The following KCNK2 variants were observed in gnomAD, a reference collection of about 807,000 sequenced individuals.
KCNK2 encodes potassium two pore domain channel subfamily K member 2, also known as potassium channel subfamily K member 2.
In KCNK2, 21 loss-of-function variants were observed where a neutral mutation model predicts 40.5. That is an observed-to-expected ratio of 0.52 (90% CI 0.37 to 0.75). The LOEUF is 0.75. Ranked by LOEUF, KCNK2 falls within the 30% of genes least tolerant of loss-of-function variation. The pLI is 0.00. For missense variants in KCNK2, 399 were observed against 531.6 expected (o/e 0.75, Z 2.45); for synonymous variants, 191 against 202.2 (o/e 0.94, Z 0.47).
At chr1:215,213,874 A>G (rs914652608) in intron 6 of KCNK2, among the ~76,000 whole-genome samples, 2 of 152,248 alleles carry the variant, frequency 1.3e-5, no homozygotes, top group African/African-American at 4.8e-5. Context: ...TTGTCTCAAA[A>G]GTTCTTGGGT....
At chr1:215,189,966 C>T (rs1664599511) in intron 5 of KCNK2, among the ~76,000 whole-genome samples, 1 of 152,120 alleles carries the variant, frequency 6.6e-6, no homozygotes. Context: ...ATGATCCCTA[C>T]TTTCTTTAAA....
At chr1:215,139,735 T>C (rs1662088604) in intron 3 of KCNK2, among the ~76,000 whole-genome samples, 1 of 152,112 alleles carries the variant, frequency 6.6e-6, no homozygotes, top group African/African-American at 2.4e-5. Context: ...AAAAAAAGTA[T>C]ATGTATGGTA....
intron 2 of KCNK2, among the ~76,000 whole-genome samples, chr1:215,122,705 G>A (rs1022969869): frequency 5.4e-5 from 8 of 148,838 alleles, no homozygotes; most frequent in African/African-American, 7.4e-5. Context: ...ATACTTATTC[G>A]CTACTATACA....
chr1:215,048,711 A>C (rs1478546887), intron 1 of KCNK2, among the ~76,000 whole-genome samples: 1 of 152,168 alleles, frequency 6.6e-6, no homozygotes, highest in East Asian at 1.9e-4. Context: ...TGCTCAACCA[A>C]GAGGACAGTA....
intron 2 of KCNK2, among the ~76,000 whole-genome samples, chr1:215,110,502 T>C (rs995969745): frequency 1.3e-5 from 2 of 152,058 alleles, no homozygotes; most frequent in African/African-American, 4.8e-5. Flanking sequence ...TTGACACCCT[T>C]GTTGAAGATC....
At chr1:215,033,563 CT>C (rs1402146953) in intron 1 of KCNK2, among the ~76,000 whole-genome samples, 1 of 152,066 alleles carries the variant, frequency 6.6e-6, no homozygotes, top group Non-Finnish European at 1.5e-5. Flanking sequence ...CCATTTCAGT[CT>C]TTTAGCGAGC....
chr1:215,063,192 C>G (rs539994063), intron 1 of KCNK2, among the ~76,000 whole-genome samples: 3 of 152,228 alleles, frequency 2.0e-5, no homozygotes, highest in Non-Finnish European at 4.4e-5. Flanking sequence ...ACTGCAGCAG[C>G]AAGACAGAAT....
intron 1 of KCNK2, among the ~76,000 whole-genome samples, chr1:215,008,646 A>G (rs766968826): frequency 2.6e-5 from 4 of 152,158 alleles, no homozygotes; most frequent in Non-Finnish European, 4.4e-5. Flanking sequence ...ATGCGATAAG[A>G]TGGTTAAACG....
intron 6 of KCNK2, among the ~76,000 whole-genome samples, chr1:215,230,503 G>C (rs543343391): frequency 1.7e-5 from 1 of 60,206 alleles, no homozygotes; most frequent in African/African-American, 7.6e-5. Flanking sequence ...ACACACACAC[G>C]GCTGTATATA....
At chr1:215,051,681 A>T (rs61818267) in intron 1 of KCNK2, among the ~76,000 whole-genome samples, 1,541 of 152,264 alleles carry the variant, frequency 0.01, 26 homozygotes, top group South Asian at 0.074. Context: ...GAAGCAGCAG[A>T]TGCAAGGTTC....
chr1:215,086,758 T>C lies in KCNK2; in HGVS notation c.357+80T>C. On this transcript the variant is annotated intron_variant, in intron 2 of 6. Coordinates refer to ENST00000444842, the MANE Select transcript of KCNK2 (RefSeq NM_001017425.3). ...TAGGAGGAGACAACTTGTAGCCCAG[T>C]GTATTACAGGTGTGCTGGTGGGAGC... 5.3e-6 allele frequency: 7 copies of C among 1,310,218 alleles called. No homozygotes were observed. The South Asian group carries it at 9.2e-5, about 17-fold the overall frequency. 81.2% of individuals were successfully genotyped at this position (1,310,218 alleles called of 1,614,324 possible).
rs35287643 is a variant in KCNK2, at chr1:215,034,351, AT to A, written c.34+28409del. On this transcript the variant is annotated intron_variant, in intron 1 of 6. Transcript: ENST00000391895. ...GCTGATGGGCACTTATGTTGTTTTC[AT>A]TTTTTTTTTTTTGCTAGTGTGAATA... is the stretch of plus-strand genomic sequence containing the variant. 2.8e-3 allele frequency among the ~76,000 whole-genome samples: 406 copies of A among 147,238 alleles called. 3 individuals carry two copies. Among genetic ancestry groups the A allele is most frequent in the Middle Eastern group, 0.011 (3 of 278 alleles).
chr1:215,077,994 A>G (rs1455577735), upstream of KCNK2, among the ~76,000 whole-genome samples: 1 of 150,832 alleles, frequency 6.6e-6, no homozygotes, highest in Non-Finnish European at 1.5e-5. Flanking sequence ...TCAGAAGATT[A>G]AATAAGTGGC....
At chr1:215,014,236 G>GC (rs1656505679) in intron 1 of KCNK2, among the ~76,000 whole-genome samples, 2 of 152,036 alleles carry the variant, frequency 1.3e-5, no homozygotes, top group Non-Finnish European at 2.9e-5. Flanking sequence ...TGTTGAGCCA[G>GC]CCTTCCATTT....
intron 1 of KCNK2, among the ~76,000 whole-genome samples, chr1:215,050,495 C>A (rs1234124748): frequency 6.6e-6 from 1 of 152,020 alleles, no homozygotes; most frequent in Non-Finnish European, 1.5e-5. Context: ...AGTTCCTGTA[C>A]TTCGTTCATT....
At chr1:215,094,325 C>A (rs1659885329) in intron 2 of KCNK2, among the ~76,000 whole-genome samples, 1 of 151,936 alleles carries the variant, frequency 6.6e-6, no homozygotes, top group Non-Finnish European at 1.5e-5. Context: ...TTCGGTTAAT[C>A]TCTGGAAAAA....
At chr1:215,143,721 A>G (rs960838491) in intron 3 of KCNK2, among the ~76,000 whole-genome samples, 9 of 152,254 alleles carry the variant, frequency 5.9e-5, no homozygotes, top group African/African-American at 2.2e-4. Flanking sequence ...TCTAGTGGCC[A>G]GGGGAGCCAG....
At chr1:215,046,445 GC>G (rs1657772736) in intron 1 of KCNK2, among the ~76,000 whole-genome samples, 1 of 152,020 alleles carries the variant, frequency 6.6e-6, no homozygotes, top group African/African-American at 2.4e-5. Context: ...TAGTATTTAA[GC>G]ATATAGAACT....
At chr1:215,036,932 G>T (rs532381481) in intron 1 of KCNK2, among the ~76,000 whole-genome samples, 1 of 148,502 alleles carries the variant, frequency 6.7e-6, no homozygotes, top group East Asian at 2.0e-4. Flanking sequence ...AGATGCTTTA[G>T]AATTTACTAA....
Sources: gnomAD v4.1 joint callset for allele counts (sites outside exome capture counted in the v4.1 genomes callset) on GRCh38, gnomAD v4.1.1 for gene constraint, MANE v1.5 for transcripts, NCBI Gene and HGNC (gene_info 2026-07-23, HGNC 2026-07-21) for gene names.